RPAP1: variants seen among roughly 807,000 people sequenced by gnomAD.
RPAP1 encodes the protein RNA polymerase II-associated protein 1.
Under a neutral mutation model 142.4 loss-of-function variants are expected in RPAP1, and 109 were observed. The observed-to-expected ratio is 0.77, with a 90% CI of 0.66 to 0.90. The LOEUF is 0.90. Among genes scored for constraint, RPAP1 ranks in the 40% least tolerant of loss-of-function variants. The pLI is 0.00. For synonymous variants in RPAP1, 704 were observed against 738.9 expected (o/e 0.95, Z 0.77); for missense variants, 1,546 against 1,751.7 (o/e 0.88, Z 2.10).
chr15:41,542,795 C>T (rs1315920674), intron 1 of RPAP1, among the ~76,000 whole-genome samples: 3 of 152,160 alleles, frequency 2.0e-5, no homozygotes, highest in African/African-American at 7.2e-5. Context: ...TGAAAGGACA[C>T]AAACGCCAGT....
intron 10 of RPAP1, 100 bp downstream of exon 10, chr15:41,528,135 G>T: frequency 6.6e-7 from 1 of 1,508,748 alleles, no homozygotes; most frequent in Non-Finnish European, 9.1e-7. Flanking sequence ...AAAGCACATA[G>T]CTGGCTAGTG....
intron 20 of RPAP1, 24 bp downstream of exon 20, chr15:41,522,074 A>G: frequency 6.2e-7 from 1 of 1,609,608 alleles, no homozygotes; most frequent in East Asian, 2.2e-5. Context: ...ATGACAGGAG[A>G]ACCTGTCAGA....
Position 41,527,966 on chromosome 15 carries a change from G to A in RPAP1, c.1322C>T (p.Ala441Val), listed in dbSNP as rs1396997630. The A allele has an allele frequency of 1.9e-6, 3 of 1,614,002 alleles. No individual in the cohort carries two copies. The highest frequency in any genetic ancestry group is 2.5e-6 in the Non-Finnish European group (3 of 1,180,028). ...GAAGCGCAGTAGGAAGAGGAAACCA[G>A]CATCCAAAAGGAGGCTTAAGACACT... ...AGSVLSLLLD[A>V]GFLFLLRFSL... Residue 441 changes from alanine to valine, a missense_variant, in exon 11 of 25, where the codon GCT (alanine) becomes GTT (valine). By Grantham distance (64) the Ala-to-Val change is moderately conservative. Around this residue, in one of 3 missense-constraint regions of RPAP1, gnomAD observed 1,333 missense variants for 1,486.6 expected, o/e 0.90. Coordinates refer to ENST00000304330, the MANE Select transcript of RPAP1 (RefSeq NM_015540.4).
At chr15:41,543,432 C>T (rs1199378258) in intron 1 of RPAP1, among the ~76,000 whole-genome samples, 1 of 151,982 alleles carries the variant, frequency 6.6e-6, no homozygotes, top group Non-Finnish European at 1.5e-5. Flanking sequence ...AGACTGGTCT[C>T]GAACTCCTGA....
intron 6 of RPAP1, 78 bp downstream of exon 6, chr15:41,534,636 G>A (rs1484691698): frequency 7.7e-6 from 6 of 778,622 alleles, no homozygotes; most frequent in Non-Finnish European, 1.3e-5. Context: ...ACAGTGCCCG[G>A]AACTCACAGT....
In RPAP1 at chr15:41,520,908, G is replaced by A. The variant is rs748913456; in HGVS notation, c.3278C>T (p.Thr1093Met). The A allele has an allele frequency of 4.7e-5, 76 of 1,613,236 alleles. No individual in the cohort carries two copies. Among genetic ancestry groups the A allele is most frequent in the Non-Finnish European group, 5.6e-5 (66 of 1,179,938 alleles). The change falls in exon 22 of 25, where the codon ACG (threonine) becomes ATG (methionine). Residue 1093 changes from threonine to methionine, a missense_variant. Transcript: ENST00000304330. ...RVPTLLLPMP[T>M]EPLLPTDWPF... ...CCAGTCGGTGGGCAGCAGCGGCTCC[G>A]TAGGCATGGGCAGTAGCAGGGTTGG...
intron 15 of RPAP1, 75 bp downstream of exon 15, chr15:41,524,916 G>T: frequency 6.7e-7 from 1 of 1,484,008 alleles, no homozygotes; most frequent in Non-Finnish European, 9.3e-7. Context: ...CTTGAGCAAG[G>T]CTGAGGTGTT....
chr15:41,531,619 ATATATATATTTTTTTTTTTTT>A (rs1326866286), intron 6 of RPAP1, among the ~76,000 whole-genome samples: 87 of 27,194 alleles, frequency 3.2e-3, no homozygotes, highest in African/African-American at 9.9e-3. Flanking sequence ...ATATATATAT[ATATATATATTTTTTTTTTTTT>A]TTTTTTTTTT....
Position 41,517,385 on chromosome 15 carries a change from C to G in RPAP1, c.*157G>C, listed in dbSNP as rs142041240. The G allele has an allele frequency of 1.5e-6, 1 of 664,066 alleles. No homozygotes were observed. Among genetic ancestry groups the G allele is most frequent in the African/African-American group, 1.8e-5 (1 of 56,078 alleles). The allele number at this position is 664,066 out of a possible 1,614,324, so 41.1% of individuals were successfully genotyped here. ...GGATGTAATGGTAGGGCTCACTGCT[C>G]TAAAACAGCTCAAACAACCTGCTCC... On this transcript the variant is annotated 3_prime_UTR_variant, in exon 25 of 25. Coordinates refer to ENST00000304330, the MANE Select transcript of RPAP1 (RefSeq NM_015540.4).
At position 41,525,078 on chromosome 15, in the gene RPAP1, G is replaced by A. The variant is rs750029183; in HGVS notation, c.1988C>T (p.Pro663Leu). The A allele has an allele frequency of 1.2e-6, 2 of 1,614,040 alleles. No homozygotes were observed. The highest frequency in any genetic ancestry group is 1.1e-5 in the South Asian group (1 of 91,074). Reference sequence around the variant, plus strand: ...GCTCAGCATCTCAGCTTCCTCTGGGGGCAAGGCCAGTTCTTGGGGAGCCTC... The same window carrying A: ...GCTCAGCATCTCAGCTTCCTCTGGGAGCAAGGCCAGTTCTTGGGGAGCCTC... ...IAEAPQELAL[P>L]PEEAEMLSTE... is the part of the protein sequence containing the mutation. The change falls in exon 15 of 25, where the codon CCC becomes CTC. Residue 663 changes from proline to leucine, a missense_variant. Around this residue, in one of 3 missense-constraint regions of RPAP1, gnomAD observed 1,333 missense variants for 1,486.6 expected, o/e 0.90. Transcript: ENST00000304330.
At chr15:41,534,693 A>G in intron 6 of RPAP1, 21 bp downstream of exon 6, 1 of 1,596,304 alleles carries the variant, frequency 6.3e-7, no homozygotes, top group Non-Finnish European at 8.6e-7. Flanking sequence ...TGGTCTCAGC[A>G]GGAAAGCCAG....
chr15:41,535,447 A>T, intron 5 of RPAP1, 65 bp downstream of exon 5: 1 of 1,526,910 alleles, frequency 6.5e-7, no homozygotes, highest in Non-Finnish European at 8.8e-7. Context: ...ACATATCTTC[A>T]AAAATGACCC....
intron 4 of RPAP1, 108 bp from the exon 5 acceptor site, chr15:41,535,740 C>T (rs1218379327): frequency 3.4e-6 from 5 of 1,460,324 alleles, no homozygotes; most frequent in Non-Finnish European, 4.6e-6. Flanking sequence ...GGGATTTGCT[C>T]AATTTCCAGG....
intron 23 of RPAP1, 46 bp from the exon 24 acceptor site, chr15:41,517,903 C>A (rs373818184): frequency 1.2e-6 from 2 of 1,613,316 alleles, no homozygotes; most frequent in African/African-American, 2.7e-5. Context: ...AGGGCTGGTA[C>A]CCACCACTGG....
In RPAP1 at chr15:41,523,863, G is replaced by A. The variant is rs768609041; in HGVS notation, c.2344C>T (p.Leu782=). ...EPCLRQTLKL[L]SRPEMWRAVG... ...GCTCTCCACATCTCAGGTCTGGACA[G>A]CAACTTCAAGGTCTGCCTTAGACAC... Residue 782 remains leucine (L), a synonymous_variant, in exon 17 of 25, where the codon CTG becomes TTG. Transcript: ENST00000304330. 6.2e-7 allele frequency: 1 copy of A among 1,608,086 alleles called. No homozygotes were observed. Among genetic ancestry groups the A allele is most frequent in the South Asian group, 1.1e-5 (1 of 89,916 alleles).
chr15:41,522,476 C>T lies in RPAP1; in HGVS notation c.2743-226G>A, dbSNP rs559485636. 1.3e-3 allele frequency: 735 copies of T among 572,498 alleles called. 10 individuals carry two copies. The South Asian group carries it at 0.014, about 11-fold the overall frequency. 35.5% of individuals were successfully genotyped at this position (572,498 alleles called of 1,614,324 possible). On this transcript the variant is annotated intron_variant, in intron 19 of 24. Coordinates refer to ENST00000304330, the MANE Select transcript of RPAP1 (RefSeq NM_015540.4). ...TGTGATCTCAGCTCACCGCAGCCTC[C>T]GCCTCCCGGGTTCAAGTGATTCTCC...
At chr15:41,529,655 G>A (rs2051828234) in intron 8 of RPAP1, 87 bp from the exon 9 acceptor site, 6 of 1,038,374 alleles carry the variant, frequency 5.8e-6, no homozygotes, top group Non-Finnish European at 8.8e-6. Flanking sequence ...AGGCCTTTCA[G>A]GACTTAGGTA....
intron 1 of RPAP1, chr15:41,543,821 T>C (rs1472989981): frequency 1.3e-5 from 2 of 151,892 alleles, no homozygotes. Flanking sequence ...TCCTAAAGAG[T>C]AATGCCTAAA....
rs2051777157 is a variant in RPAP1, at chr15:41,525,108, A to G, written c.1958T>C (p.Ile653Thr). 6.2e-7 allele frequency: 1 copy of G among 1,613,684 alleles called. No homozygotes were observed. The highest frequency in any genetic ancestry group is 8.5e-7 in the Non-Finnish European group (1 of 1,179,848). The change falls in exon 15 of 25, where the codon ATA becomes ACA. Residue 653 changes from isoleucine (I) to threonine (T), a missense_variant. Around this residue, in one of 3 missense-constraint regions of RPAP1, gnomAD observed 1,333 missense variants for 1,486.6 expected, o/e 0.90. Transcript: ENST00000304330. ...GGCCAGTTCTTGGGGAGCCTCAGCTATGATGCGGCACAGGCGGCTCCGGAG... is the reference window on the plus strand; with the variant it reads ...GGCCAGTTCTTGGGGAGCCTCAGCTGTGATGCGGCACAGGCGGCTCCGGAG... The part of the protein sequence containing the change: ...FDLRSRLCRI[I>T]AEAPQELALP...
Sources: allele counts gnomAD v4.1 joint callset (sites outside exome capture counted in the v4.1 genomes callset), GRCh38; gene constraint gnomAD v4.1.1; regional missense constraint gnomAD v4.1.1; transcripts MANE v1.5; gene names NCBI Gene and HGNC (gene_info 2026-07-23, HGNC 2026-07-21).